Variants in PRXL2C observed in about 807,000 individuals in gnomAD.
The protein encoded by PRXL2C is peroxiredoxin like 2C, also known as peroxiredoxin-like 2C.
PRXL2C carries 38 observed loss-of-function variants against 24.9 expected under a neutral mutation model. The ratio of observed to expected loss-of-function variants is 1.53; its 90% CI spans 1.18 to 2.00. PRXL2C has a LOEUF of 2.00. Among genes scored for constraint, PRXL2C ranks in the 30% most tolerant of loss-of-function variants. The probability of loss-of-function intolerance (pLI) is 0.00; values close to 1 mark genes in which losing one functional copy is unlikely to be tolerated. For synonymous variants in PRXL2C, 98 were observed against 117.2 expected, an observed-to-expected ratio of 0.84 and a Z score of 1.06; for missense variants, 294 against 290.9, an observed-to-expected ratio of 1.01 and a Z score of -0.08.
chr9:96,651,029 G>A (rs1027630271), intron 4 of PRXL2C, among the ~76,000 whole-genome samples: 6 of 152,124 alleles, frequency 3.9e-5, no homozygotes, highest in African/African-American at 1.2e-4. Flanking sequence ...AGTGGCTCAT[G>A]CCTATAATCC....
intron 5 of PRXL2C, among the ~76,000 whole-genome samples, chr9:96,642,756 G>T (rs1337094502): frequency 6.6e-6 from 1 of 152,012 alleles, no homozygotes; most frequent in Admixed American, 6.6e-5. Context: ...AGATGGCCAG[G>T]ATGGTCTTGA....
In PRXL2C at chr9:96,641,789, A is replaced by G. The variant is rs569404773; in HGVS notation, c.651T>C (p.Phe217=). 8.2e-6 allele frequency: 13 copies of G among 1,579,072 alleles called. No homozygotes were observed. In the East Asian group the frequency reaches 1.4e-4, roughly 17 times the overall value. The change falls in exon 6 of 6, where the codon TTT becomes TTC. Residue 217 remains phenylalanine, a synonymous_variant. Transcript: ENST00000375234. ...LQLVGVQHVN[F]TNRPSVIHV ...CATGGATAACTGAAGGTCTGTTTGT[A>G]AAGTTCACATGCTGAACTCCTACAA...
At chr9:96,645,812 GGAAAA>G (rs939117848) in intron 5 of PRXL2C, 76 bp downstream of exon 5, 15 of 1,339,176 alleles carry the variant, frequency 1.1e-5, no homozygotes, top group African/African-American at 1.1e-4. Flanking sequence ...AAAAAAAAAA[GGAAAA>G]GAAAAGAAAA....
rs558042366 is a variant in PRXL2C at position 96,654,850 on chromosome 9, G to C, written c.193-77C>G. 7.2e-5 allele frequency: 102 copies of C among 1,422,628 alleles called. 1 individual carries two copies. In the African/African-American group the frequency reaches 1.1e-3, roughly 15 times the overall value. The allele number at this position is 1,422,628 out of a possible 1,614,324, so 88.1% of individuals were successfully genotyped here. Reference sequence around the variant, plus strand: ...CCCCGAAGGATCCCTGTACTTCGCCGTGCGTGACGCGAGCAAAGGCGACGC... The same window carrying C: ...CCCCGAAGGATCCCTGTACTTCGCCCTGCGTGACGCGAGCAAAGGCGACGC... On this transcript the variant is annotated intron_variant, in intron 1 of 5. Coordinates refer to ENST00000375234, the MANE Select transcript of PRXL2C (RefSeq NM_153698.2).
intron 4 of PRXL2C, 118 bp downstream of exon 4, chr9:96,651,257 AACAGAGTGAGACTCC>A: frequency 1.5e-6 from 1 of 656,782 alleles, no homozygotes; most frequent in East Asian, 2.9e-5. Flanking sequence ...CTGCCCCAGC[AACAGAGTGAGACTCC>A]ATCTCAAAAA....
chr9:96,648,640 A>G lies in PRXL2C; in HGVS notation c.422-2616T>C, dbSNP rs955330503. Among the ~76,000 whole-genome samples the G allele has an allele frequency of 2.0e-5, 3 of 152,204 alleles. No individual in the cohort carries two copies. The East Asian group carries it at 5.8e-4, about 29-fold the overall frequency. On this transcript the variant is annotated intron_variant, in intron 4 of 5. Transcript: ENST00000375234. ...ACAGGTTGAAGTAGTGAAGATTTGA[A>G]TACACCCTCTCTTATAATTACAAGC...
intron 5 of PRXL2C, among the ~76,000 whole-genome samples, chr9:96,644,473 G>T (rs1848163194): frequency 6.6e-6 from 1 of 152,070 alleles, no homozygotes; most frequent in African/African-American, 2.4e-5. Context: ...GCTTATAGTC[G>T]GACCTCAATC....
intron 1 of PRXL2C, 88 bp downstream of exon 1, chr9:96,655,002 C>T (rs1443479031): frequency 2.1e-5 from 29 of 1,377,632 alleles, no homozygotes; most frequent in Admixed American, 3.3e-5. Context: ...CCGTTTCCGT[C>T]CTAAGAAGCA....
intron 5 of PRXL2C, among the ~76,000 whole-genome samples, chr9:96,644,193 C>T (rs890084039): frequency 1.3e-5 from 2 of 150,674 alleles, no homozygotes; most frequent in Non-Finnish European, 2.9e-5. Context: ...CTCTTATAAG[C>T]TATGCTCATT....
chr9:96,654,744 G>C lies in PRXL2C; in HGVS notation c.222C>G (p.Tyr74Ter). Residue 74 changes from tyrosine to a stop codon, truncating the protein, a stop_gained, in exon 2 of 6, where the codon TAC (tyrosine) becomes TAG (stop). Transcript: ENST00000375234. LOFTEE classifies it high-confidence loss of function. ...TGGGGATTTTGGCCAGATCCTCTAC[G>C]TATTCCTTGCAGATGTAACACAGGA... The part of the protein sequence containing the change: ...RHFLCYICKE[Y>*]VEDLAKIPRS... 6.4e-7 allele frequency: 1 copy of C among 1,567,186 alleles called. No individual in the cohort carries two copies. Among genetic ancestry groups the C allele is most frequent in the Non-Finnish European group, 8.7e-7 (1 of 1,154,606 alleles).
Position 96,640,547 on chromosome 9 carries a change from G to T in PRXL2C, c.*1212C>A, listed in dbSNP as rs989516622. On this transcript the variant is annotated 3_prime_UTR_variant, in exon 6 of 6. Coordinates refer to ENST00000375234, the MANE Select transcript of PRXL2C (RefSeq NM_153698.2). Reference sequence around the variant, plus strand: ...AAAAAAAAAAAAAAAAAAAAAAAAAGCCAGGCAAGGTGGCTCATACCTGTA... The same window carrying T: ...AAAAAAAAAAAAAAAAAAAAAAAAATCCAGGCAAGGTGGCTCATACCTGTA... 1 of 60,114 alleles carries T rather than the reference G, an allele frequency of 1.7e-5. No individual in the cohort carries two copies. The highest frequency in any genetic ancestry group is 7.8e-5 in the African/African-American group (1 of 12,832). The allele number at this position is 60,114 out of a possible 1,614,324, so 3.7% of individuals were successfully genotyped here. A position where few individuals can be genotyped will look rare whatever the true frequency, so the allele number is the denominator to read the frequency against.
chr9:96,647,128 A>T (rs751449735), intron 4 of PRXL2C, among the ~76,000 whole-genome samples: 7 of 152,060 alleles, frequency 4.6e-5, no homozygotes, highest in Non-Finnish European at 8.8e-5. Context: ...ATAACCTCCT[A>T]CCATGTCATG....
At chr9:96,651,319 C>G in intron 4 of PRXL2C, 71 bp downstream of exon 4, 1 of 1,098,272 alleles carries the variant, frequency 9.1e-7, no homozygotes, top group Non-Finnish European at 1.3e-6. Context: ...GACCATGTTT[C>G]CCTATGCATA....
rs144616434 is a variant in PRXL2C, at chr9:96,646,925, G to A, written c.422-901C>T. 3.0e-4 allele frequency among the ~76,000 whole-genome samples: 46 copies of A among 152,146 alleles called. No homozygotes were observed. In the East Asian group the frequency reaches 7.1e-3, roughly 24 times the overall value. Reference sequence around the variant, plus strand: ...CCTACCTCAGCCTCCCAAGTGGCTGGGATTACAGGCATGTGCCACCACGCC... The same window carrying A: ...CCTACCTCAGCCTCCCAAGTGGCTGAGATTACAGGCATGTGCCACCACGCC... On this transcript the variant is annotated intron_variant, in intron 4 of 5. Transcript: ENST00000375234.
In PRXL2C at chr9:96,640,254, A is replaced by G. The variant is rs1397996410; in HGVS notation, c.*1505T>C. 2.0e-5 allele frequency: 3 copies of G among 151,416 alleles called. No individual in the cohort carries two copies. The highest frequency in any genetic ancestry group is 3.9e-4 in the East Asian group (2 of 5,096). The allele number at this position is 151,416 out of a possible 1,614,324, so 9.4% of individuals were successfully genotyped here. Reference sequence around the variant, plus strand: ...AAAATTTTAACAATTCTTGGCCGGGAATGGTGGCTAACGCCTGCAATTCTA... The same window carrying G: ...AAAATTTTAACAATTCTTGGCCGGGGATGGTGGCTAACGCCTGCAATTCTA... On this transcript the variant is annotated 3_prime_UTR_variant, in exon 6 of 6. Coordinates refer to ENST00000375234, the MANE Select transcript of PRXL2C (RefSeq NM_153698.2).
intron 5 of PRXL2C, among the ~76,000 whole-genome samples, chr9:96,643,811 A>AT (rs1848152349): frequency 6.6e-6 from 1 of 152,126 alleles, no homozygotes; most frequent in East Asian, 1.9e-4. Context: ...CCCAAAAATC[A>AT]TATTACTCAG....
intron 5 of PRXL2C, among the ~76,000 whole-genome samples, chr9:96,642,539 C>T (rs1031419517): frequency 7.3e-5 from 11 of 150,168 alleles, no homozygotes; most frequent in African/African-American, 2.5e-4. Flanking sequence ...GTATGAGGCA[C>T]GTTTTCATTT....
chr9:96,654,050 C>G (rs1049683415), intron 2 of PRXL2C, among the ~76,000 whole-genome samples: 3 of 152,176 alleles, frequency 2.0e-5, no homozygotes, highest in African/African-American at 7.2e-5. Context: ...CCGTGTTAAC[C>G]AGGATGGTCT....
chr9:96,651,638 C>T, intron 3 of PRXL2C, 21 bp downstream of exon 3: 1 of 1,595,256 alleles, frequency 6.3e-7, no homozygotes, highest in Non-Finnish European at 8.6e-7. Flanking sequence ...TCATTAGTCT[C>T]CCAATGTACT....
Sources: gnomAD v4.1 joint callset for allele counts (sites outside exome capture counted in the v4.1 genomes callset) on GRCh38, gnomAD v4.1.1 for gene constraint, MANE v1.5 for transcripts, NCBI Gene and HGNC (gene_info 2026-07-23, HGNC 2026-07-21) for gene names.